Variants in TMCC3 observed in about 807,000 individuals in gnomAD.
The protein encoded by TMCC3 is transmembrane and coiled-coil domain protein 3.
In TMCC3, 28 loss-of-function variants were observed where a neutral mutation model predicts 40.2. That is an observed-to-expected ratio of 0.70 (90% CI 0.52 to 0.95). The LOEUF is 0.95. TMCC3 is among the 40% of genes least tolerant of loss of function. The pLI is 0.00. For missense variants in TMCC3, 554 were observed against 615.2 expected, an observed-to-expected ratio of 0.90 and a Z score of 1.05; for synonymous variants, 255 against 248.5, an observed-to-expected ratio of 1.03 and a Z score of -0.25.
intron 1 of TMCC3, among the ~76,000 whole-genome samples, chr12:94,594,512 T>C (rs12309664): frequency 0.056 from 8,558 of 152,226 alleles, 517 homozygotes; most frequent in African/African-American, 0.14. Context: ...TAAGGTCTTT[T>C]GGGGGCAGTT....
rs750734723 is a variant in TMCC3 at position 94,571,513 on chromosome 12, G to C, written c.1356C>G (p.Ala452=). The change falls in exon 4 of 4, where the codon GCC becomes GCG. Residue 452 remains alanine, a synonymous_variant. Transcript: ENST00000261226. ...SRCHILGTFF[A]VTLLAIFCKN... Reference sequence around the variant, plus strand: ...TACAAAATATAGCAAGAAGAGTCACGGCAAAGAAGGTGCCAAGAATGTGGC... The same window carrying C: ...TACAAAATATAGCAAGAAGAGTCACCGCAAAGAAGGTGCCAAGAATGTGGC... 1.2e-6 allele frequency: 2 copies of C among 1,614,074 alleles called. No individual in the cohort carries two copies. Among genetic ancestry groups the C allele is most frequent in the Non-Finnish European group, 1.7e-6 (2 of 1,180,022 alleles).
At chr12:94,572,120 C>A (rs564574996) in intron 3 of TMCC3, among the ~76,000 whole-genome samples, 2 of 152,058 alleles carry the variant, frequency 1.3e-5, no homozygotes, top group South Asian at 4.2e-4. Context: ...CTGCCTCAGC[C>A]CCCCAAGTAG....
In TMCC3 at chr12:94,593,358, C is replaced by CA. The variant is rs1566320415; in HGVS notation, c.79-10821_79-10820insT. ...TTCAAGCCTGGACAACAGGCTCCAT[C>CA]TAAAAAAAAAAAAAGAAAAGAAAAG... is the stretch of plus-strand genomic sequence containing the variant. On this transcript the variant is annotated intron_variant, in intron 1 of 3. Transcript: ENST00000261226. 3.1e-4 allele frequency among the ~76,000 whole-genome samples: 21 copies of CA among 67,328 alleles called. 1 individual carries two copies. The highest frequency in any genetic ancestry group is 5.2e-4 in the Admixed American group (3 of 5,726). The allele number at this position is 67,328 out of a possible 152,430, so 44.2% of individuals were successfully genotyped here.
At chr12:94,631,304 A>T (rs909647138) in intron 1 of TMCC3, among the ~76,000 whole-genome samples, 1 of 152,186 alleles carries the variant, frequency 6.6e-6, no homozygotes, top group African/African-American at 2.4e-5. Flanking sequence ...ACTCTTAAAA[A>T]TTCATACTGA....
intron 1 of TMCC3, among the ~76,000 whole-genome samples, chr12:94,614,907 C>T (rs1216603627): frequency 4.6e-5 from 7 of 151,824 alleles, no homozygotes; most frequent in African/African-American, 1.2e-4. Flanking sequence ...GGATTACAGA[C>T]GCTGCTACCA....
At chr12:94,622,082 T>C (rs1219854376) in intron 1 of TMCC3, among the ~76,000 whole-genome samples, 1 of 152,220 alleles carries the variant, frequency 6.6e-6, no homozygotes, top group Non-Finnish European at 1.5e-5. Context: ...CACCATTTCT[T>C]GGTCAAATAT....
chr12:94,599,754 G>GT (rs2068741451), intron 1 of TMCC3, among the ~76,000 whole-genome samples: 1 of 152,154 alleles, frequency 6.6e-6, no homozygotes, highest in Admixed American at 6.5e-5. Context: ...GGACTCTGAA[G>GT]TAAGACCCTA....
At chr12:94,590,260 A>ATTTTTT (rs72186655) in intron 1 of TMCC3, among the ~76,000 whole-genome samples, 10 of 85,354 alleles carry the variant, frequency 1.2e-4, no homozygotes, top group Admixed American at 1.5e-4. Context: ...CGCCCTGCTA[A>ATTTTTT]TTTTTTTTTT....
At position 94,650,418 on chromosome 12, in the gene TMCC3, C is replaced by G. The variant is rs1468895941; in HGVS notation, c.13G>C (p.Asp5His). 2 of 1,304,426 alleles carry G rather than the reference C, an allele frequency of 1.5e-6. No individual in the cohort carries two copies. Among genetic ancestry groups the G allele is most frequent in the African/African-American group, 3.1e-5 (2 of 64,826 alleles). The allele number at this position is 1,304,426 out of a possible 1,614,324, so 80.8% of individuals were successfully genotyped here. The stretch of plus-strand genomic sequence containing the variant: ...GTCCGGTCCACGGTGAGCGCCGTGT[C>G]GCTGCCCGGCATCTCCGCGCTCCGG... Reference protein sequence around the residue: MPGSDTALTVDRTYS... With the variant: MPGSHTALTVDRTYS... Residue 5 changes from aspartate to histidine, a missense_variant, in exon 1 of 4, where the codon GAC becomes CAC. By Grantham distance (81) the Asp-to-His change is moderately conservative (BLOSUM62 -1). Transcript: ENST00000261226.
rs1423790773 is a variant in TMCC3 at position 94,616,820 on chromosome 12, G to A, written c.78+33533C>T. On this transcript the variant is annotated intron_variant, in intron 1 of 3. Coordinates refer to ENST00000261226, the MANE Select transcript of TMCC3 (RefSeq NM_020698.4). The stretch of plus-strand genomic sequence containing the variant: ...GACAGCAGATGGGTCACACCCGGAG[G>A]GTCCCACTTAACTCATACAGAGGTG... 2.0e-5 allele frequency among the ~76,000 whole-genome samples: 3 copies of A among 152,222 alleles called. No individual in the cohort carries two copies. The East Asian group carries it at 5.8e-4, about 29-fold the overall frequency.
intron 1 of TMCC3, among the ~76,000 whole-genome samples, chr12:94,629,151 C>T (rs1310748576): frequency 6.6e-6 from 1 of 152,132 alleles, no homozygotes; most frequent in East Asian, 1.9e-4. Flanking sequence ...CACACATATA[C>T]AAAATACTTA....
At chr12:94,602,663 C>A (rs1396372623) in intron 1 of TMCC3, among the ~76,000 whole-genome samples, 1 of 152,136 alleles carries the variant, frequency 6.6e-6, no homozygotes, top group Admixed American at 6.5e-5. Flanking sequence ...TGCTCTGTTG[C>A]CCAGGCTGGC....
intron 1 of TMCC3, among the ~76,000 whole-genome samples, chr12:94,632,173 G>A (rs2068936972): frequency 6.6e-6 from 1 of 152,202 alleles, no homozygotes; most frequent in Non-Finnish European, 1.5e-5. Context: ...ATAAAGAGGC[G>A]AAAGAGAACT....
intron 1 of TMCC3, among the ~76,000 whole-genome samples, chr12:94,591,815 C>T (rs1284195463): frequency 6.6e-6 from 1 of 152,288 alleles, no homozygotes; most frequent in South Asian, 2.1e-4. Flanking sequence ...CTCCCTCTTG[C>T]TATCCTGGGG....
intron 1 of TMCC3, among the ~76,000 whole-genome samples, chr12:94,604,126 T>C (rs2068768718): frequency 1.3e-5 from 2 of 152,218 alleles, no homozygotes; most frequent in African/African-American, 4.8e-5. Context: ...TACATCAGAT[T>C]TAGACATAAA....
chr12:94,600,938 CA>C (rs1179123358), intron 1 of TMCC3, among the ~76,000 whole-genome samples: 9 of 152,266 alleles, frequency 5.9e-5, no homozygotes, highest in African/African-American at 2.2e-4. Flanking sequence ...TATACGAACC[CA>C]ATTTCTCTAT....
At chr12:94,614,987 GC>G (rs919061330) in intron 1 of TMCC3, among the ~76,000 whole-genome samples, 1 of 151,938 alleles carries the variant, frequency 6.6e-6, no homozygotes, top group African/African-American at 2.4e-5. Flanking sequence ...CAAATGACAA[GC>G]AGCAAACTTT....
rs115661194 is a variant in TMCC3, at chr12:94,643,124, G to A, written c.78+7229C>T. Among the ~76,000 whole-genome samples the A allele has an allele frequency of 4.4e-3, 668 of 152,124 alleles. 4 individuals carry two copies. Among genetic ancestry groups the A allele is most frequent in the African/African-American group, 0.015 (633 of 41,480 alleles). Reference sequence around the variant, plus strand: ...GGGGAATCACTTGAACCTGAGCAGCGGAGGTTGCAGTGAGCCGAGATTGCA... The same window carrying A: ...GGGGAATCACTTGAACCTGAGCAGCAGAGGTTGCAGTGAGCCGAGATTGCA... On this transcript the variant is annotated intron_variant, in intron 1 of 3. Coordinates refer to ENST00000261226, the MANE Select transcript of TMCC3 (RefSeq NM_020698.4).
At chr12:94,624,712 A>C (rs2068893793) in intron 1 of TMCC3, among the ~76,000 whole-genome samples, 1 of 127,066 alleles carries the variant, frequency 7.9e-6, no homozygotes, top group Non-Finnish European at 1.7e-5. Flanking sequence ...ATTCTGTCTC[A>C]AAATTAAAAA....
Sources: gnomAD v4.1 joint callset for allele counts (sites outside exome capture counted in the v4.1 genomes callset) on GRCh38, gnomAD v4.1.1 for gene constraint, MANE v1.5 for transcripts, NCBI Gene and HGNC (gene_info 2026-07-23, HGNC 2026-07-21) for gene names.